ATP11C: variants seen among roughly 807,000 people sequenced by gnomAD.
The protein encoded by ATP11C is phospholipid-transporting ATPase IG.
Under a neutral mutation model 97.4 loss-of-function variants are expected in ATP11C, and 36 were observed. The observed-to-expected ratio is 0.37, with a 90% CI of 0.28 to 0.49. ATP11C has a LOEUF of 0.49. Among genes scored for constraint, ATP11C ranks in the 20% least tolerant of loss-of-function variants. ATP11C has a pLI of 0.98. For synonymous variants in ATP11C, 275 were observed against 290.9 expected (o/e 0.95, Z 0.56); for missense variants, 730 against 824.6 (o/e 0.89, Z 1.40).
intron 1 of ATP11C, among the ~76,000 whole-genome samples, chrX:139,898,267 A>G (rs1008335608): frequency 1.8e-5 from 2 of 111,524 alleles, no homozygotes; most frequent in African/African-American, 6.5e-5. Flanking sequence ...TAGGGCTGTT[A>G]TTATCCCTTC....
intron 1 of ATP11C, among the ~76,000 whole-genome samples, chrX:139,926,418 G>T (rs1235144604): frequency 3.6e-5 from 4 of 111,949 alleles, no homozygotes; most frequent in South Asian, 3.8e-4. Context: ...ACCAGTATTT[G>T]ATTTCACTCA....
At chrX:139,814,585 A>G (rs1446156195) in intron 5 of ATP11C, among the ~76,000 whole-genome samples, 2 of 111,882 alleles carry the variant, frequency 1.8e-5, no homozygotes, top group Non-Finnish European at 3.8e-5. Flanking sequence ...CCTCAAAAAC[A>G]TTCTGAGTGA....
chrX:139,860,037 G>A (rs1311578789), intron 1 of ATP11C, among the ~76,000 whole-genome samples: 2 of 76,736 alleles, frequency 2.6e-5, no homozygotes, highest in African/African-American at 1.1e-4. Context: ...CCCGGGAGGC[G>A]GAGCTTGCAG....
intron 1 of ATP11C, among the ~76,000 whole-genome samples, chrX:139,858,579 T>C (rs997152437): frequency 8.9e-6 from 1 of 112,169 alleles, no homozygotes; most frequent in African/African-American, 3.2e-5. Flanking sequence ...ATAAGAATAA[T>C]AACAACCACT....
rs757597326 is a variant in ATP11C at position 139,837,571 on chromosome X, C to T, written c.28-10748G>A. ...CTATTCTTACTCTACTTTGTAAACT[C>T]GGATATGATGTAAAATGTTCTACAT... On this transcript the variant is annotated intron_variant, in intron 1 of 29. Coordinates refer to ENST00000682941, the MANE Select transcript of ATP11C (RefSeq NM_001353812.2). Among the ~76,000 whole-genome samples, 8 of 112,359 alleles carry T rather than the reference C, an allele frequency of 7.1e-5. No individual in the cohort carries two copies. In the South Asian group the frequency reaches 2.6e-3, roughly 36 times the overall value.
chrX:139,878,017 C>T (rs2084503727), intron 1 of ATP11C, among the ~76,000 whole-genome samples: 1 of 110,718 alleles, frequency 9.0e-6, no homozygotes, highest in African/African-American at 3.3e-5. Context: ...GCAAGTGAGA[C>T]TCTGTCTCAA....
chrX:139,860,572 C>T (rs1349099979), intron 1 of ATP11C, among the ~76,000 whole-genome samples: 1 of 111,790 alleles, frequency 8.9e-6, no homozygotes, highest in Non-Finnish European at 1.9e-5. Flanking sequence ...AATCCCAGCA[C>T]TTTGGGAGGC....
chrX:139,852,418 C>G (rs1182895716), intron 1 of ATP11C, among the ~76,000 whole-genome samples: 1 of 71,718 alleles, frequency 1.4e-5, no homozygotes, highest in African/African-American at 5.5e-5. Context: ...CAAGACCCAC[C>G]CAGTGCGAGG....
chrX:139,906,176 T>C (rs755912837), intron 1 of ATP11C, among the ~76,000 whole-genome samples: 1 of 107,875 alleles, frequency 9.3e-6, no homozygotes, highest in Non-Finnish European at 1.9e-5. Flanking sequence ...CTGAGGCAGG[T>C]GGACATGAGT....
At chrX:139,904,252 G>C (rs1262810999) in intron 1 of ATP11C, among the ~76,000 whole-genome samples, 1 of 111,761 alleles carries the variant, frequency 8.9e-6, no homozygotes, top group Admixed American at 9.5e-5. Context: ...TTTTGGCCGG[G>C]CACGGTGGCT....
intron 1 of ATP11C, among the ~76,000 whole-genome samples, chrX:139,882,058 C>T (rs1050438141): frequency 9.0e-6 from 1 of 111,730 alleles, no homozygotes; most frequent in East Asian, 2.8e-4. Flanking sequence ...TCTGCCTCAA[C>T]TACCTTCTCC....
intron 18 of ATP11C, among the ~76,000 whole-genome samples, chrX:139,775,688 TG>T (rs1293812318): frequency 1.3e-4 from 15 of 112,761 alleles, no homozygotes; most frequent in Admixed American, 4.7e-4. Context: ...ATCAAACTGC[TG>T]GGGAACCCCT....
chrX:139,926,836 G>T (rs1337944342), intron 1 of ATP11C, among the ~76,000 whole-genome samples: 2 of 112,462 alleles, frequency 1.8e-5, no homozygotes, highest in Non-Finnish European at 3.8e-5. Context: ...GCTTTCACTT[G>T]TGTAAAGATT....
At chrX:139,792,317 C>A (rs1276315274) in intron 12 of ATP11C, among the ~76,000 whole-genome samples, 2 of 111,319 alleles carry the variant, frequency 1.8e-5, no homozygotes, top group Admixed American at 9.6e-5. Flanking sequence ...CCATACTTCA[C>A]CCATCTCTTC....
chrX:139,833,724 G>T (rs762148284), intron 1 of ATP11C, among the ~76,000 whole-genome samples: 1 of 110,828 alleles, frequency 9.0e-6, no homozygotes, highest in East Asian at 2.8e-4. Flanking sequence ...TACAGGGAAG[G>T]CTTTCAGGGC....
rs1440915750 is a variant in ATP11C, at chrX:139,786,598, G to C, written c.1592+575C>G. On this transcript the variant is annotated intron_variant, in intron 15 of 29. Transcript: ENST00000682941. The stretch of plus-strand genomic sequence containing the variant: ...GTCAGATAACATAATTATATTTCAA[G>C]TTCAGATGAGGAAATTCAAATTAAT... Among the ~76,000 whole-genome samples the C allele has an allele frequency of 2.7e-5, 3 of 112,400 alleles. No homozygotes were observed. In the Admixed American group the frequency reaches 2.8e-4, roughly 11 times the overall value.
At chrX:139,873,706 CAA>C (rs58064711) in intron 1 of ATP11C, among the ~76,000 whole-genome samples, 105 of 17,278 alleles carry the variant, frequency 6.1e-3, no homozygotes, top group African/African-American at 0.015. Context: ...GACTCCAACT[CAA>C]AAAAAAAAAA....
At chrX:139,847,856 T>C (rs2083933403) in intron 1 of ATP11C, among the ~76,000 whole-genome samples, 1 of 111,370 alleles carries the variant, frequency 9.0e-6, no homozygotes. Context: ...ACCTCTTAAC[T>C]ATGTAACTCA....
intron 1 of ATP11C, among the ~76,000 whole-genome samples, chrX:139,853,400 AAG>A (rs893321932): frequency 7.3e-5 from 8 of 109,716 alleles, no homozygotes; most frequent in Admixed American, 9.7e-5. Context: ...AGAAGAGGCA[AAG>A]AGAGAGAGAG....
Sources: allele counts gnomAD v4.1 joint callset (sites outside exome capture counted in the v4.1 genomes callset), GRCh38; gene constraint gnomAD v4.1.1; transcripts MANE v1.5; gene names NCBI Gene and HGNC (gene_info 2026-07-23, HGNC 2026-07-21).